The following UGT1A4 variants were observed in gnomAD, a reference collection of about 807,000 sequenced individuals.
UGT1A4 encodes UDP glucuronosyltransferase family 1 member A4.
UGT1A4 carries 32 observed loss-of-function variants against 41.1 expected under a neutral mutation model. The ratio of observed to expected loss-of-function variants is 0.78; its 90% CI spans 0.59 to 1.05. UGT1A4 has a LOEUF of 1.05. Ranked by LOEUF, UGT1A4 falls within the 50% of genes least tolerant of loss-of-function variation. The pLI, the probability that UGT1A4 is intolerant of heterozygous loss-of-function variation, is 0.00. For missense variants in UGT1A4, 748 were observed against 677.4 expected (o/e 1.10, Z -1.16); for synonymous variants, 283 against 265.1 (o/e 1.07, Z -0.66).
At position 233,725,173 on chromosome 2, in the gene UGT1A4, C is replaced by G. The variant is rs567676971; in HGVS notation, c.867+5486C>G. On this transcript the variant is annotated intron_variant, in intron 1 of 4. Transcript: ENST00000373409. ...CTTCGGCTCTGCATGAGAGGGAGAC[C>G]GTGGGGAGAGGCAGAGGCAGAGGCA... Among the ~76,000 whole-genome samples, 8 of 94,296 alleles carry G rather than the reference C, an allele frequency of 8.5e-5. 1 individual carries two copies. The East Asian group carries it at 9.6e-4, about 11-fold the overall frequency. The allele number at this position is 94,296 out of a possible 152,430, so 61.9% of individuals were successfully genotyped here.
intron 1 of UGT1A4, chr2:233,729,873 C>G: frequency 2.5e-6 from 4 of 1,613,864 alleles, no homozygotes; most frequent in Non-Finnish European, 3.4e-6. Context: ...TGGATATTCT[C>G]AGTCATGCAT....
At chr2:233,743,177 G>A (rs1692221574) in intron 1 of UGT1A4, 2 of 366,924 alleles carry the variant, frequency 5.5e-6, no homozygotes. Context: ...AAAGTCAAAT[G>A]TGGACTGGAA....
chr2:233,770,091 G>A (rs1182025509), intron 4 of UGT1A4: 1 of 152,674 alleles, frequency 6.5e-6, no homozygotes, highest in East Asian at 1.9e-4. Context: ...CAGTGGTATA[G>A]ATAACTACTT....
In UGT1A4 at chr2:233,719,662, G is replaced by A; in HGVS notation, c.842G>A (p.Cys281Tyr). 3.7e-6 allele frequency: 6 copies of A among 1,614,092 alleles called. No homozygotes were observed. The highest frequency in any genetic ancestry group is 5.1e-6 in the Non-Finnish European group (6 of 1,179,958). ...ATGGTCTTCATTGGGGGCATCAACT[G>A]TGCCAACGGGAAGCCACTATCTCAG... is the stretch of plus-strand genomic sequence containing the variant. ...PNMVFIGGIN[C>Y]ANGKPLSQEF... is the part of the protein sequence containing the mutation. Residue 281 changes from cysteine to tyrosine, a missense_variant, in exon 1 of 5, where the codon TGT becomes TAT. Coordinates refer to ENST00000373409, the MANE Select transcript of UGT1A4 (RefSeq NM_007120.3).
At chr2:233,743,706 C>A in intron 1 of UGT1A4, 1 of 1,367,368 alleles carries the variant, frequency 7.3e-7, no homozygotes, top group Non-Finnish European at 9.8e-7. Context: ...TCCGCCCCCG[C>A]CTCGCCATAG....
At chr2:233,737,730 T>C (rs558595206) in intron 1 of UGT1A4, among the ~76,000 whole-genome samples, 10 of 152,254 alleles carry the variant, frequency 6.6e-5, no homozygotes, top group East Asian at 3.9e-4. Context: ...CCTTTTTTTT[T>C]CCTTTTCTCT....
Position 233,769,514 on chromosome 2 carries a change from A to G in UGT1A4, c.1307+1075A>G. 2 of 1,612,844 alleles carry G rather than the reference A, an allele frequency of 1.2e-6. No homozygotes were observed. The highest frequency in any genetic ancestry group is 1.7e-6 in the Non-Finnish European group (2 of 1,179,856). ...ATGAGAGTGTCCATTGCTTTCTCCCATGGTTACCTCCTTTAGAAAGAAGCA... is the reference window on the plus strand; with the variant it reads ...ATGAGAGTGTCCATTGCTTTCTCCCGTGGTTACCTCCTTTAGAAAGAAGCA... On this transcript the variant is annotated intron_variant, in intron 4 of 4. Transcript: ENST00000373409. This position sits in a 1 kb window ranked among gnomAD's most constrained non-coding sequence, Gnocchi z 4.4.
intron 1 of UGT1A4, among the ~76,000 whole-genome samples, chr2:233,757,057 G>A (rs1201778154): frequency 6.6e-6 from 1 of 151,606 alleles, no homozygotes; most frequent in Non-Finnish European, 1.5e-5. Flanking sequence ...TTGGGGAACA[G>A]CAAGGGATCC....
chr2:233,734,819 C>T (rs192367390), intron 1 of UGT1A4, among the ~76,000 whole-genome samples: 11 of 152,204 alleles, frequency 7.2e-5, no homozygotes, highest in South Asian at 2.1e-4. Flanking sequence ...TGTAGTTGTG[C>T]GATTTTGAGT....
At chr2:233,768,582 CTTTTTTTTTT>C (rs139595073) in intron 4 of UGT1A4, 143 bp downstream of exon 4, 137,204 of 1,033,644 alleles carry the variant, frequency 0.13, 3,227 homozygotes, top group African/African-American at 0.2. Flanking sequence ...TTTATTTCTT[CTTTTTTTTTT>C]TTTTTTTTTT....
At chr2:233,737,427 G>T (rs1289829376) in intron 1 of UGT1A4, among the ~76,000 whole-genome samples, 1 of 152,214 alleles carries the variant, frequency 6.6e-6, no homozygotes, top group Non-Finnish European at 1.5e-5. Flanking sequence ...ACAGTATTTG[G>T]GTGGGAGTGT....
At chr2:233,747,007 G>C (rs1207556963) in intron 1 of UGT1A4, among the ~76,000 whole-genome samples, 1 of 151,856 alleles carries the variant, frequency 6.6e-6, no homozygotes, top group South Asian at 2.1e-4. Context: ...TTTCAAGTAG[G>C]AGTGATCGGT....
chr2:233,721,292 C>T (rs1038685514), intron 1 of UGT1A4, among the ~76,000 whole-genome samples: 4 of 152,066 alleles, frequency 2.6e-5, no homozygotes, highest in African/African-American at 9.7e-5. Context: ...ATTAGGAAGG[C>T]ATTTGAATAG....
rs760663679 is a variant in UGT1A4, at chr2:233,718,910, G to T, written c.90G>T (p.Lys30Asn). 2 of 1,614,074 alleles carry T rather than the reference G, an allele frequency of 1.2e-6. No individual in the cohort carries two copies. Among genetic ancestry groups the T allele is most frequent in the East Asian group, 4.5e-5 (2 of 44,886 alleles). ...TCCAGCCCTGGGCTGAGAGTGGAAA[G>T]GTGTTGGTGGTGCCCACTGATGGCA... is the stretch of plus-strand genomic sequence containing the variant. ...LSVQPWAESG[K>N]VLVVPTDGSP... The change falls in exon 1 of 5, where the codon AAG becomes AAT. Residue 30 changes from lysine to asparagine, a missense_variant. Lys to Asn is a moderately conservative substitution (Grantham distance 94, BLOSUM62 0). Coordinates refer to ENST00000373409, the MANE Select transcript of UGT1A4 (RefSeq NM_007120.3).
At chr2:233,763,986 C>T (rs923828078) in intron 1 of UGT1A4, among the ~76,000 whole-genome samples, 3 of 152,116 alleles carry the variant, frequency 2.0e-5, no homozygotes, top group Non-Finnish European at 4.4e-5. Context: ...ACTGGGAATG[C>T]GTGATGGTGA....
intron 1 of UGT1A4, chr2:233,743,185 G>T (rs546323978): frequency 5.4e-6 from 2 of 372,628 alleles, no homozygotes; most frequent in Non-Finnish European, 1.1e-5. Flanking sequence ...ATGTGGACTG[G>T]AATTACTTGG....
At chr2:233,735,868 CAG>C (rs201129034) in intron 1 of UGT1A4, among the ~76,000 whole-genome samples, 5,840 of 152,248 alleles carry the variant, frequency 0.038, 150 homozygotes, top group Non-Finnish European at 0.054. Flanking sequence ...AGGGTTTCTG[CAG>C]AGAGATCTGC....
At chr2:233,760,292 C>T (rs1437444805) in intron 1 of UGT1A4, 2 of 1,613,246 alleles carry the variant, frequency 1.2e-6, no homozygotes, top group Admixed American at 1.7e-5. Flanking sequence ...GGCGCCATGG[C>T]TGTGGAGTCC....
chr2:233,730,800 A>G (rs1400494303), intron 1 of UGT1A4, among the ~76,000 whole-genome samples: 1 of 152,180 alleles, frequency 6.6e-6, no homozygotes, highest in Non-Finnish European at 1.5e-5. Context: ...TGATGAATGG[A>G]CATGCGTCCA....
Sources: allele counts gnomAD v4.1 joint callset (sites outside exome capture counted in the v4.1 genomes callset), GRCh38; gene constraint gnomAD v4.1.1; non-coding constraint Gnocchi (gnomAD v3.1); transcripts MANE v1.5; gene names NCBI Gene and HGNC (gene_info 2026-07-23, HGNC 2026-07-21).